The following LRRTM3 variants were observed in gnomAD, a reference collection of about 807,000 sequenced individuals.
The protein encoded by LRRTM3 is leucine rich repeat transmembrane neuronal 3.
A neutral mutation model predicts 44.7 loss-of-function variants in LRRTM3; 24 were observed. The ratio of observed to expected loss-of-function variants is 0.54; its 90% CI spans 0.39 to 0.76. The LOEUF (loss-of-function observed/expected upper bound fraction) is 0.76. LRRTM3 is among the 30% of genes least tolerant of loss of function. LRRTM3 has a pLI of 0.00. For synonymous variants in LRRTM3, 277 were observed against 278.7 expected (o/e 0.99, Z 0.06); for missense variants, 587 against 702.2 (o/e 0.84, Z 1.85).
intron 2 of LRRTM3, among the ~76,000 whole-genome samples, chr10:67,037,122 T>C (rs1456204750): frequency 6.6e-6 from 1 of 152,124 alleles, no homozygotes; most frequent in African/African-American, 2.4e-5. Context: ...GAGTTTATTA[T>C]AAGGACTTTA....
chr10:66,953,124 G>A (rs528763896), intron 2 of LRRTM3, among the ~76,000 whole-genome samples: 2 of 152,072 alleles, frequency 1.3e-5, no homozygotes, highest in African/African-American at 2.4e-5. Context: ...GTCTGACCTC[G>A]GTTATCTTAA....
chr10:67,072,252 C>A (rs1323453408), intron 2 of LRRTM3, among the ~76,000 whole-genome samples: 4 of 152,180 alleles, frequency 2.6e-5, no homozygotes, highest in African/African-American at 7.2e-5. Flanking sequence ...CCATGCCCAA[C>A]CTGTTTGATT....
intron 2 of LRRTM3, among the ~76,000 whole-genome samples, chr10:67,003,096 CATA>C (rs1851775739): frequency 2.0e-5 from 3 of 152,182 alleles, no homozygotes; most frequent in African/African-American, 7.2e-5. Flanking sequence ...AACACTCAAA[CATA>C]ATTACAATGC....
chr10:67,074,374 G>C (rs1856632983), intron 2 of LRRTM3, among the ~76,000 whole-genome samples: 1 of 100,790 alleles, frequency 9.9e-6, no homozygotes, highest in Non-Finnish European at 1.9e-5. Context: ...TTTTTGAGAC[G>C]GAGTCTCGCT....
At chr10:66,956,097 C>A (rs944909132) in intron 2 of LRRTM3, among the ~76,000 whole-genome samples, 3 of 151,986 alleles carry the variant, frequency 2.0e-5, no homozygotes, top group Non-Finnish European at 4.4e-5. Flanking sequence ...TGCAAAGGTA[C>A]CTGACCACCC....
At chr10:67,090,838 G>T (rs74929318) in intron 2 of LRRTM3, among the ~76,000 whole-genome samples, 2,336 of 152,066 alleles carry the variant, frequency 0.015, 59 homozygotes, top group African/African-American at 0.053. Context: ...TAGAACCTGC[G>T]GTAACATCTA....
At chr10:67,025,099 C>A (rs771137254) in intron 2 of LRRTM3, among the ~76,000 whole-genome samples, 7 of 142,366 alleles carry the variant, frequency 4.9e-5, no homozygotes, top group Non-Finnish European at 1.1e-4. Flanking sequence ...ATTGCACACT[C>A]CAGCCTGAGC....
chr10:66,958,948 C>T (rs557564586), intron 2 of LRRTM3, among the ~76,000 whole-genome samples: 43 of 152,264 alleles, frequency 2.8e-4, no homozygotes, highest in African/African-American at 7.2e-4. Flanking sequence ...AGTAGTTACG[C>T]TTCTATTCAG....
chr10:67,041,465 C>T (rs1316181058), intron 2 of LRRTM3, among the ~76,000 whole-genome samples: 3 of 152,132 alleles, frequency 2.0e-5, no homozygotes, highest in Non-Finnish European at 2.9e-5. Flanking sequence ...GAAAGGTAAT[C>T]ACCATCAATT....
Position 66,926,146 on chromosome 10 carries a change from G to A in LRRTM3, c.-438G>A. 1 of 460,384 alleles carries A rather than the reference G, an allele frequency of 2.2e-6. No individual in the cohort carries two copies. The highest frequency in any genetic ancestry group is 4.4e-6 in the Non-Finnish European group (1 of 229,572). The allele number at this position is 460,384 out of a possible 1,614,324, so 28.5% of individuals were successfully genotyped here. The stretch of plus-strand genomic sequence containing the variant: ...CCAACGCAGCTCTGTGGCTGAACTG[G>A]GTGCTCATCACGGGAACTGCTGGGG... On this transcript the variant is annotated 5_prime_UTR_variant, in exon 1 of 3. Transcript: ENST00000361320.
intron 2 of LRRTM3, chr10:67,052,773 A>T (rs1458247326): frequency 6.6e-6 from 1 of 152,212 alleles, no homozygotes; most frequent in Non-Finnish European, 1.5e-5. Flanking sequence ...CAAAGAAACA[A>T]ACAAAGTTTA....
chr10:66,927,242 G>T lies in LRRTM3; in HGVS notation c.326G>T (p.Arg109Leu). The change falls in exon 2 of 3, where the codon CGC becomes CTC. Residue 109 changes from arginine (R) to leucine (L), a missense_variant. By Grantham distance (102) the Arg-to-Leu change is moderately radical (BLOSUM62 -2). Around this residue, in one of 3 missense-constraint regions of LRRTM3, gnomAD observed 222 missense variants for 323.3 expected, o/e 0.69. Coordinates refer to ENST00000361320, the MANE Select transcript of LRRTM3 (RefSeq NM_178011.5). The surrounding 1 kb of genome is among the most constrained non-coding windows in gnomAD (Gnocchi z 4.7). ...GACGAAAATGCTTTTAATGGAATAC[G>T]CAGACTCAAAGAGCTGATTCTTAGT... ...NIDENAFNGI[R>L]RLKELILSSN... 3.7e-6 allele frequency: 6 copies of T among 1,614,000 alleles called. No homozygotes were observed. The Middle Eastern group carries it at 6.6e-4, about 177-fold the overall frequency.
intron 2 of LRRTM3, among the ~76,000 whole-genome samples, chr10:66,954,788 T>A (rs1490105152): frequency 6.6e-6 from 1 of 152,194 alleles, no homozygotes; most frequent in African/African-American, 2.4e-5. Flanking sequence ...AATTGCTGAA[T>A]TGTTCAAGTC....
chr10:67,001,623 T>A (rs1851697777), intron 2 of LRRTM3, among the ~76,000 whole-genome samples: 1 of 152,120 alleles, frequency 6.6e-6, no homozygotes, highest in Non-Finnish European at 1.5e-5. Context: ...TCTTTAATAC[T>A]CAAAAAGAAT....
intron 2 of LRRTM3, among the ~76,000 whole-genome samples, chr10:66,980,336 G>A (rs139273665): frequency 1.2e-4 from 18 of 152,224 alleles, no homozygotes; most frequent in African/African-American, 3.6e-4. Context: ...ACTAGGGCGA[G>A]GAAATGCTTA....
In LRRTM3 at chr10:66,931,665, T is replaced by C. The variant is rs560108135; in HGVS notation, c.1536+3213T>C. Among the ~76,000 whole-genome samples the C allele has an allele frequency of 5.3e-5, 8 of 152,082 alleles. No homozygotes were observed. In the South Asian group the frequency reaches 1.4e-3, roughly 28 times the overall value. ...TTTTGACTAGTAAATCAGATTTGAA[T>C]TTTATTTAATTCATTTCCTTGGGAA... On this transcript the variant is annotated intron_variant, in intron 2 of 2. Coordinates refer to ENST00000361320, the MANE Select transcript of LRRTM3 (RefSeq NM_178011.5).
intron 2 of LRRTM3, among the ~76,000 whole-genome samples, chr10:67,049,849 A>AAT (rs1290182537): frequency 6.6e-6 from 1 of 152,224 alleles, no homozygotes; most frequent in Non-Finnish European, 1.5e-5. Flanking sequence ...CAAATATAGT[A>AAT]ATATATACAC....
intron 2 of LRRTM3, among the ~76,000 whole-genome samples, chr10:67,011,266 A>G (rs897339334): frequency 7.9e-5 from 12 of 151,648 alleles, no homozygotes; most frequent in African/African-American, 2.9e-4. Context: ...GCTTGAACCC[A>G]GCAGACGGAG....
chr10:67,068,156 C>A (rs1856206220), intron 2 of LRRTM3, among the ~76,000 whole-genome samples: 1 of 151,870 alleles, frequency 6.6e-6, no homozygotes, highest in Non-Finnish European at 1.5e-5. Flanking sequence ...TAAGCTGAGT[C>A]AGTGGAAAAT....
Sources: allele counts gnomAD v4.1 joint callset (sites outside exome capture counted in the v4.1 genomes callset), GRCh38; gene constraint gnomAD v4.1.1; regional missense constraint gnomAD v4.1.1; non-coding constraint Gnocchi (gnomAD v3.1); transcripts MANE v1.5; gene names NCBI Gene and HGNC (gene_info 2026-07-23, HGNC 2026-07-21).